Variants in PLCL1 observed in about 807,000 individuals in gnomAD.
PLCL1 encodes phospholipase C like 1 (inactive), also known as inactive phospholipase C-like protein 1.
A neutral mutation model predicts 84.4 loss-of-function variants in PLCL1; 41 were observed. That is an observed-to-expected ratio of 0.49 (90% CI 0.38 to 0.63). PLCL1 has a LOEUF of 0.63. Among genes scored for constraint, PLCL1 ranks in the 30% least tolerant of loss-of-function variants. The probability of loss-of-function intolerance (pLI) is 0.00; values close to 1 mark genes in which losing one functional copy is unlikely to be tolerated. For synonymous variants in PLCL1, 490 were observed against 488.3 expected (o/e 1.00, Z -0.05); for missense variants, 1,206 against 1,367.8 (o/e 0.88, Z 1.87).
At chr2:197,828,802 G>T (rs1053711052) in intron 1 of PLCL1, among the ~76,000 whole-genome samples, 1 of 152,102 alleles carries the variant, frequency 6.6e-6, no homozygotes, top group Non-Finnish European at 1.5e-5. Context: ...AGAACAGATT[G>T]AAACAGAATG....
intron 1 of PLCL1, among the ~76,000 whole-genome samples, chr2:198,016,009 A>G (rs1690989303): frequency 6.6e-6 from 1 of 152,234 alleles, no homozygotes; most frequent in Admixed American, 6.5e-5. Flanking sequence ...TGTAAAATGT[A>G]CAATAAGTCT....
intron 5 of PLCL1, among the ~76,000 whole-genome samples, chr2:198,106,125 G>GA (rs936248366): frequency 2.0e-5 from 3 of 151,890 alleles, no homozygotes; most frequent in African/African-American, 7.2e-5. Flanking sequence ...TTACAGGTGA[G>GA]AAAACGGAGG....
At chr2:197,807,365 G>A (rs924767544) in intron 1 of PLCL1, among the ~76,000 whole-genome samples, 2 of 25,204 alleles carry the variant, frequency 7.9e-5, no homozygotes, top group Non-Finnish European at 1.5e-4. Context: ...TCTGGCTAGA[G>A]TTTTACAAGT....
intron 1 of PLCL1, among the ~76,000 whole-genome samples, chr2:197,934,347 T>A (rs1383906827): frequency 6.6e-6 from 1 of 152,202 alleles, no homozygotes. Context: ...TTTCATTGAG[T>A]TCATGGAAGT....
intron 1 of PLCL1, among the ~76,000 whole-genome samples, chr2:197,842,031 A>T (rs983107703): frequency 3.9e-5 from 6 of 152,206 alleles, no homozygotes; most frequent in Non-Finnish European, 7.4e-5. Flanking sequence ...TAGCTGGGGG[A>T]AAAAATGAAG....
intron 1 of PLCL1, among the ~76,000 whole-genome samples, chr2:198,058,514 CT>C (rs1354974757): frequency 6.6e-6 from 1 of 151,830 alleles, no homozygotes; most frequent in Non-Finnish European, 1.5e-5. Flanking sequence ...AATTACCAGA[CT>C]GCTTGGCTTC....
intron 1 of PLCL1, among the ~76,000 whole-genome samples, chr2:197,907,082 T>C (rs949437248): frequency 1.3e-5 from 2 of 148,230 alleles, no homozygotes; most frequent in Admixed American, 1.4e-4. Flanking sequence ...GCCAACATCA[T>C]ACCGAATGGG....
At chr2:198,066,085 C>T (rs1692314658) in intron 1 of PLCL1, among the ~76,000 whole-genome samples, 1 of 152,080 alleles carries the variant, frequency 6.6e-6, no homozygotes, top group Admixed American at 6.5e-5. Flanking sequence ...CCACTATTTT[C>T]CCTCTCCTTT....
At chr2:198,044,936 C>T (rs1691750967) in intron 1 of PLCL1, among the ~76,000 whole-genome samples, 1 of 152,078 alleles carries the variant, frequency 6.6e-6, no homozygotes, top group Non-Finnish European at 1.5e-5. Flanking sequence ...TAGCATATAA[C>T]ATAGGAATTA....
chr2:198,058,892 A>C (rs1242996149), intron 1 of PLCL1, among the ~76,000 whole-genome samples: 1 of 152,242 alleles, frequency 6.6e-6, no homozygotes, highest in African/African-American at 2.4e-5. Flanking sequence ...ATGCAAAAAC[A>C]GATTATAGAG....
intron 1 of PLCL1, among the ~76,000 whole-genome samples, chr2:197,954,887 T>C (rs1689455370): frequency 6.6e-6 from 1 of 152,076 alleles, no homozygotes; most frequent in Admixed American, 6.6e-5. Context: ...CAGGAAATTG[T>C]CTCTTCAAGA....
intron 1 of PLCL1, among the ~76,000 whole-genome samples, chr2:197,890,874 T>C (rs1410042861): frequency 9.8e-5 from 3 of 30,536 alleles, no homozygotes; most frequent in Non-Finnish European, 1.8e-4. Flanking sequence ...TATACATATA[T>C]GCATATATAT....
At chr2:198,093,246 A>G (rs1318259683) in intron 3 of PLCL1, among the ~76,000 whole-genome samples, 1 of 152,218 alleles carries the variant, frequency 6.6e-6, no homozygotes, top group Middle Eastern at 3.2e-3. Flanking sequence ...TCAACAACCT[A>G]TAGAATGTAC....
At chr2:197,885,645 GT>G (rs1173220549) in intron 1 of PLCL1, among the ~76,000 whole-genome samples, 2 of 152,194 alleles carry the variant, frequency 1.3e-5, no homozygotes, top group African/African-American at 4.8e-5. Context: ...CTTTCCCGCA[GT>G]TTGGGTTTCA....
chr2:198,139,469 T>G (rs1694333141), intron 5 of PLCL1, among the ~76,000 whole-genome samples: 1 of 152,214 alleles, frequency 6.6e-6, no homozygotes, highest in Non-Finnish European at 1.5e-5. Context: ...GCATTCATAT[T>G]AAGTACAGGC....
intron 1 of PLCL1, among the ~76,000 whole-genome samples, chr2:198,066,637 C>A (rs1692327042): frequency 6.6e-6 from 1 of 152,172 alleles, no homozygotes; most frequent in Non-Finnish European, 1.5e-5. Context: ...TGCCTTAAAA[C>A]CTCCATAGAA....
intron 1 of PLCL1, among the ~76,000 whole-genome samples, chr2:197,859,626 G>T (rs934623581): frequency 2.0e-5 from 3 of 152,080 alleles, no homozygotes; most frequent in African/African-American, 7.2e-5. Flanking sequence ...GGTCTCATGA[G>T]TTGTAGTGGT....
At chr2:197,862,329 G>A (rs1426850338) in intron 1 of PLCL1, among the ~76,000 whole-genome samples, 2 of 152,166 alleles carry the variant, frequency 1.3e-5, no homozygotes, top group African/African-American at 4.8e-5. Flanking sequence ...TTGATTTGCT[G>A]ATTATTGGAG....
intron 1 of PLCL1, among the ~76,000 whole-genome samples, chr2:198,060,601 A>C (rs1362111127): frequency 1.3e-5 from 2 of 152,234 alleles, no homozygotes; most frequent in Non-Finnish European, 2.9e-5. Flanking sequence ...ATTGACACAC[A>C]TGTACATGCT....
Sources: allele counts gnomAD v4.1 joint callset (sites outside exome capture counted in the v4.1 genomes callset), GRCh38; gene constraint gnomAD v4.1.1; transcripts MANE v1.5; gene names NCBI Gene and HGNC (gene_info 2026-07-23, HGNC 2026-07-21).